The following ADAMTS3 variants were observed in gnomAD, a reference collection of about 807,000 sequenced individuals.
ADAMTS3 encodes A disintegrin and metalloproteinase with thrombospondin motifs 3.
In ADAMTS3, 73 loss-of-function variants were observed where a neutral mutation model predicts 129.0. The ratio of observed to expected loss-of-function variants is 0.57; its 90% CI spans 0.47 to 0.69. ADAMTS3 has a LOEUF of 0.69. Among genes scored for constraint, ADAMTS3 ranks in the 30% least tolerant of loss-of-function variants. ADAMTS3 has a pLI of 0.00. For synonymous variants in ADAMTS3, 477 were observed against 510.8 expected, an observed-to-expected ratio of 0.93 and a Z score of 0.89; for missense variants, 1,457 against 1,514.5, an observed-to-expected ratio of 0.96 and a Z score of 0.63.
chr4:72,298,533 T>C, intron 17 of ADAMTS3, 91 bp from the exon 18 acceptor site: 2 of 1,042,260 alleles, frequency 1.9e-6, no homozygotes, highest in South Asian at 4.6e-5. Context: ...TTGCTCTTAT[T>C]AAAACTGAAA....
intron 5 of ADAMTS3, among the ~76,000 whole-genome samples, chr4:72,334,921 A>C (rs1383754488): frequency 1.3e-5 from 2 of 152,156 alleles, no homozygotes; most frequent in Non-Finnish European, 2.9e-5. Context: ...AAAGAGGTTA[A>C]AAAAAGCAGA....
chr4:72,545,586 T>C (rs149760227), intron 3 of ADAMTS3, among the ~76,000 whole-genome samples: 31 of 152,358 alleles, frequency 2.0e-4, no homozygotes, highest in African/African-American at 7.2e-4. Flanking sequence ...CCAGTCCTGG[T>C]GTAGCCTGGT....
At chr4:72,540,216 G>T (rs1181020604) in intron 3 of ADAMTS3, among the ~76,000 whole-genome samples, 3 of 152,124 alleles carry the variant, frequency 2.0e-5, no homozygotes, top group Non-Finnish European at 4.4e-5. Flanking sequence ...TTGGGAACTG[G>T]GGCAAAGGTG....
At chr4:72,560,824 C>A (rs1003168681) in intron 2 of ADAMTS3, among the ~76,000 whole-genome samples, 3 of 152,106 alleles carry the variant, frequency 2.0e-5, no homozygotes, top group Admixed American at 6.6e-5. Context: ...ATGTCCTGCA[C>A]GTGTACCCTG....
chr4:72,508,907 T>C (rs1720236712), intron 3 of ADAMTS3, among the ~76,000 whole-genome samples: 1 of 152,012 alleles, frequency 6.6e-6, no homozygotes, highest in Non-Finnish European at 1.5e-5. Flanking sequence ...TCAAAAAAAT[T>C]GAAATAATAT....
At chr4:72,412,638 TAAG>T (rs1722210409) in intron 4 of ADAMTS3, among the ~76,000 whole-genome samples, 1 of 152,028 alleles carries the variant, frequency 6.6e-6, no homozygotes, top group Non-Finnish European at 1.5e-5. Context: ...ACTTCATAAA[TAAG>T]AAGGTGAAGA....
chr4:72,476,824 T>C (rs537960833), intron 3 of ADAMTS3, among the ~76,000 whole-genome samples: 2 of 152,078 alleles, frequency 1.3e-5, no homozygotes, highest in African/African-American at 2.4e-5. Context: ...CATGGCCTAA[T>C]GGGGTTTATT....
intron 3 of ADAMTS3, among the ~76,000 whole-genome samples, chr4:72,478,420 A>G (rs1719309510): frequency 6.7e-6 from 1 of 149,696 alleles, no homozygotes; most frequent in Admixed American, 6.7e-5. Context: ...TCCAGCATAT[A>G]AACAGAACCA....
chr4:72,378,573 T>C (rs921028555), intron 4 of ADAMTS3, among the ~76,000 whole-genome samples: 1 of 152,206 alleles, frequency 6.6e-6, no homozygotes, highest in Non-Finnish European at 1.5e-5. Context: ...TTTCATTACA[T>C]GCTGATAGAA....
intron 5 of ADAMTS3, among the ~76,000 whole-genome samples, chr4:72,326,412 T>C (rs1283248938): frequency 1.3e-5 from 2 of 152,156 alleles, no homozygotes; most frequent in African/African-American, 4.8e-5. Context: ...GTAGTGTTTT[T>C]ATATTGTGAA....
At chr4:72,551,264 A>T (rs1721639135) in intron 2 of ADAMTS3, among the ~76,000 whole-genome samples, 1 of 152,172 alleles carries the variant, frequency 6.6e-6, no homozygotes, top group Non-Finnish European at 1.5e-5. Context: ...CTAGAGAACA[A>T]GAACATTTAG....
intron 4 of ADAMTS3, among the ~76,000 whole-genome samples, chr4:72,344,077 G>T (rs558510387): frequency 1.2e-4 from 18 of 152,152 alleles, no homozygotes; most frequent in African/African-American, 4.3e-4. Context: ...TATTTTATCA[G>T]AATGAATTTT....
At position 72,298,438 on chromosome 4, in the gene ADAMTS3, A is replaced by T. The variant is rs766144652; in HGVS notation, c.2429T>A (p.Ile810Lys). 2 of 1,595,902 alleles carry T rather than the reference A, an allele frequency of 1.3e-6. No individual in the cohort carries two copies. The highest frequency in any genetic ancestry group is 1.7e-6 in the Non-Finnish European group (2 of 1,168,476). ...PLHDPVIVLI[I>K]PQENDTRSSL... ...AGAGCGGGTATCATTTTCTTGAGGT[A>T]TAATCTAACATACACATGAAATCAA... Residue 810 changes from isoleucine (I) to lysine (K), a missense_variant, in exon 18 of 22, where the codon ATA (isoleucine) becomes AAA (lysine). Physicochemically the swap from Ile to Lys is moderately radical, Grantham distance 102. Transcript: ENST00000286657.
At chr4:72,293,686 A>G (rs1718735288) in intron 19 of ADAMTS3, among the ~76,000 whole-genome samples, 1 of 152,156 alleles carries the variant, frequency 6.6e-6, no homozygotes, top group Non-Finnish European at 1.5e-5. Context: ...ACTTCTAATC[A>G]GCCTTCTAAA....
At chr4:72,353,250 C>T (rs1189335904) in intron 4 of ADAMTS3, among the ~76,000 whole-genome samples, 4 of 151,948 alleles carry the variant, frequency 2.6e-5, no homozygotes, top group Non-Finnish European at 4.4e-5. Context: ...AGTCATCATT[C>T]GTTCTAACCT....
intron 2 of ADAMTS3, among the ~76,000 whole-genome samples, chr4:72,555,484 T>C (rs1027690095): frequency 2.0e-5 from 3 of 151,756 alleles, no homozygotes; most frequent in Non-Finnish European, 4.4e-5. Context: ...TGGCAACTTA[T>C]CCACAGAGTA....
In ADAMTS3 at chr4:72,291,039, T is replaced by A. The variant is rs765098521; in HGVS notation, c.2747A>T (p.His916Leu). The A allele has an allele frequency of 3.3e-5, 54 of 1,613,902 alleles. No individual in the cohort carries two copies. The highest frequency in any genetic ancestry group is 4.2e-5 in the Non-Finnish European group (50 of 1,179,940). ...HPLWVAEEWE[H>L]CTKTCGSSGY... ...AGAACTTCCACAGGTTTTGGTGCAG[T>A]GTTCCCATTCTTCTGCTACCCAGCT... The change falls in exon 20 of 22, where the codon CAC (histidine) becomes CTC (leucine). Residue 916 changes from histidine (H) to leucine (L), a missense_variant. Transcript: ENST00000286657.
intron 3 of ADAMTS3, among the ~76,000 whole-genome samples, chr4:72,507,985 T>G (rs1038851665): frequency 1.3e-5 from 2 of 152,298 alleles, no homozygotes; most frequent in African/African-American, 4.8e-5. Context: ...AGTATGTCAT[T>G]TTTACCTTAG....
chr4:72,508,598 T>A (rs890921483), intron 3 of ADAMTS3, among the ~76,000 whole-genome samples: 1 of 152,102 alleles, frequency 6.6e-6, no homozygotes, highest in Non-Finnish European at 1.5e-5. Context: ...GCTGATTCAA[T>A]CATAAACAAG....
Sources: allele counts gnomAD v4.1 joint callset (sites outside exome capture counted in the v4.1 genomes callset), GRCh38; gene constraint gnomAD v4.1.1; transcripts MANE v1.5; gene names NCBI Gene and HGNC (gene_info 2026-07-23, HGNC 2026-07-21).